CCDC178: variants seen among roughly 807,000 people sequenced by gnomAD.
CCDC178 encodes the protein coiled-coil domain-containing protein 178.
Under a neutral mutation model 117.4 loss-of-function variants are expected in CCDC178, and 126 were observed. The observed-to-expected ratio is 1.07, with a 90% CI of 0.93 to 1.24. CCDC178 has a LOEUF of 1.24. Ranked by LOEUF, CCDC178 falls within the 50% of genes most tolerant of loss-of-function variation. The pLI, the probability that CCDC178 is intolerant of heterozygous loss-of-function variation, is 0.00. For missense variants in CCDC178, 1,030 were observed against 986.9 expected (o/e 1.04, Z -0.59); for synonymous variants, 283 against 313.4 (o/e 0.90, Z 1.02).
At chr18:33,350,274 A>T (rs1304131750) in intron 7 of CCDC178, among the ~76,000 whole-genome samples, 1 of 151,980 alleles carries the variant, frequency 6.6e-6, no homozygotes, top group Non-Finnish European at 1.5e-5. Context: ...TAATTTTTCT[A>T]TTTTTTTAAT....
At chr18:33,062,751 G>T (rs2056944902) in intron 21 of CCDC178, among the ~76,000 whole-genome samples, 1 of 152,078 alleles carries the variant, frequency 6.6e-6, no homozygotes, top group African/African-American at 2.4e-5. Context: ...CTGAAGCATG[G>T]CACCATTTTG....
intron 20 of CCDC178, among the ~76,000 whole-genome samples, chr18:33,126,864 C>A (rs1472996647): frequency 2.0e-5 from 3 of 151,528 alleles, no homozygotes; most frequent in African/African-American, 7.3e-5. Context: ...CTGCATTTGG[C>A]CAGCTTAGCC....
intron 22 of CCDC178, among the ~76,000 whole-genome samples, chr18:32,968,585 T>C (rs2054864580): frequency 6.6e-6 from 1 of 151,988 alleles, no homozygotes; most frequent in African/African-American, 2.4e-5. Flanking sequence ...CCATACTGTT[T>C]CCCATATGGC....
intron 2 of CCDC178, among the ~76,000 whole-genome samples, chr18:33,426,071 A>C (rs1046197225): frequency 1.3e-5 from 2 of 152,202 alleles, no homozygotes; most frequent in African/African-American, 4.8e-5. Flanking sequence ...AAAATAATTT[A>C]TTAAGTATGA....
intron 22 of CCDC178, among the ~76,000 whole-genome samples, chr18:32,959,789 G>A (rs2054669963): frequency 6.6e-6 from 1 of 151,760 alleles, no homozygotes; most frequent in South Asian, 2.1e-4. Flanking sequence ...GAAAAGTTCT[G>A]TCTTTGAAAA....
intron 2 of CCDC178, among the ~76,000 whole-genome samples, chr18:33,435,979 T>A (rs2064284800): frequency 6.6e-6 from 1 of 152,120 alleles, no homozygotes; most frequent in Non-Finnish European, 1.5e-5. Context: ...CGATGGTATA[T>A]GTGTGTCCAA....
chr18:33,191,208 T>C (rs1037111773), intron 20 of CCDC178, among the ~76,000 whole-genome samples: 2 of 152,164 alleles, frequency 1.3e-5, no homozygotes, highest in African/African-American at 2.4e-5. Context: ...TCTACACACA[T>C]ATCTATTACT....
intron 20 of CCDC178, among the ~76,000 whole-genome samples, chr18:33,121,556 A>G (rs964858284): frequency 2.6e-5 from 4 of 152,160 alleles, no homozygotes. Context: ...GAACCCTCAT[A>G]GAGGGGCTAT....
At chr18:33,175,237 C>T (rs2058651334) in intron 20 of CCDC178, among the ~76,000 whole-genome samples, 1 of 152,114 alleles carries the variant, frequency 6.6e-6, no homozygotes. Context: ...AGCATTAACA[C>T]AAAATCTGTC....
chr18:33,091,684 A>C (rs1034257752), intron 21 of CCDC178, among the ~76,000 whole-genome samples: 1 of 152,140 alleles, frequency 6.6e-6, no homozygotes, highest in African/African-American at 2.4e-5. Flanking sequence ...CAATGTATTC[A>C]GAAGCTTTAA....
intron 19 of CCDC178, among the ~76,000 whole-genome samples, chr18:33,214,401 A>C (rs2059141956): frequency 6.6e-6 from 1 of 151,908 alleles, no homozygotes; most frequent in South Asian, 2.1e-4. Context: ...TCAAGTTTAG[A>C]GAGAGAACTG....
intron 21 of CCDC178, among the ~76,000 whole-genome samples, chr18:32,996,649 CAATT>C (rs1200396269): frequency 2.0e-5 from 3 of 151,754 alleles, no homozygotes; most frequent in Admixed American, 6.6e-5. Flanking sequence ...TGAATACAAA[CAATT>C]AAGCCATAGG....
chr18:33,202,143 CCAG>C (rs1188930745), intron 20 of CCDC178, among the ~76,000 whole-genome samples: 2 of 151,722 alleles, frequency 1.3e-5, no homozygotes, highest in African/African-American at 2.4e-5. Context: ...GCCTGTAATC[CCAG>C]CACTTTGGGA....
intron 21 of CCDC178, among the ~76,000 whole-genome samples, chr18:32,985,307 G>A (rs562754927): frequency 6.6e-5 from 10 of 151,938 alleles, no homozygotes; most frequent in East Asian, 5.8e-4. Context: ...AATAAAATAC[G>A]CCACACAATC....
chr18:33,409,259 A>AT (rs1466808016), intron 3 of CCDC178, among the ~76,000 whole-genome samples: 8 of 151,768 alleles, frequency 5.3e-5, no homozygotes, highest in Non-Finnish European at 1.0e-4. Flanking sequence ...TAATTTTCGT[A>AT]TTTTTTGTAA....
rs901637882 is a variant in CCDC178, at chr18:33,207,738, G to A, written c.2238+4158C>T. Among the ~76,000 whole-genome samples, 3 of 152,020 alleles carry A rather than the reference G, an allele frequency of 2.0e-5. No individual in the cohort carries two copies. In the East Asian group the frequency reaches 5.8e-4, roughly 29 times the overall value. On this transcript the variant is annotated intron_variant, in intron 20 of 22. Transcript: ENST00000383096. ...AAATAAAAAATCTATTCAAATTTCA[G>A]ATAGATATTACTTTAATATAGTATT...
rs562628093 is a variant in CCDC178 at position 32,944,556 on chromosome 18, G to T, written c.2524-6465C>A. On this transcript the variant is annotated intron_variant, in intron 22 of 22. Transcript: ENST00000383096. Reference sequence around the variant, plus strand: ...CAATATGTACTTACACATCCTATTTGGAAGGTTTATGGTTTTTTTCCCCAA... The same window carrying T: ...CAATATGTACTTACACATCCTATTTTGAAGGTTTATGGTTTTTTTCCCCAA... 8.1e-4 allele frequency among the ~76,000 whole-genome samples: 124 copies of T among 152,252 alleles called. 1 individual carries two copies. The highest frequency in any genetic ancestry group is 2.9e-3 in the African/African-American group (121 of 41,550).
chr18:33,014,301 C>T (rs553415767), intron 21 of CCDC178, among the ~76,000 whole-genome samples: 48 of 152,308 alleles, frequency 3.2e-4, no homozygotes, highest in African/African-American at 1.1e-3. Flanking sequence ...ATAGTTTAAT[C>T]AGTGTAAACA....
intron 20 of CCDC178, among the ~76,000 whole-genome samples, chr18:33,131,947 G>A (rs1281174102): frequency 2.7e-5 from 4 of 150,882 alleles, no homozygotes; most frequent in Non-Finnish European, 5.9e-5. Flanking sequence ...TTTTTGTTAC[G>A]GCTGCCCCAA....
Sources: gnomAD v4.1 joint callset for allele counts (sites outside exome capture counted in the v4.1 genomes callset) on GRCh38, gnomAD v4.1.1 for gene constraint, MANE v1.5 for transcripts, NCBI Gene and HGNC (gene_info 2026-07-23, HGNC 2026-07-21) for gene names.